The following PTPRB variants were observed in gnomAD, a reference collection of about 807,000 sequenced individuals.
PTPRB encodes the protein receptor-type tyrosine-protein phosphatase beta.
A neutral mutation model predicts 238.1 loss-of-function variants in PTPRB; 97 were observed. The ratio of observed to expected loss-of-function variants is 0.41; its 90% CI spans 0.35 to 0.48. PTPRB has a LOEUF of 0.48. Ranked by LOEUF, PTPRB falls within the 20% of genes least tolerant of loss-of-function variation. The pLI, the probability that PTPRB is intolerant of heterozygous loss-of-function variation, is 0.30. For synonymous variants in PTPRB, 970 were observed against 995.4 expected (o/e 0.97, Z 0.48); for missense variants, 2,292 against 2,681.9 (o/e 0.85, Z 3.21).
chr12:70,523,443 G>A (rs1592378678), intron 33 of PTPRB, among the ~76,000 whole-genome samples: 1 of 152,234 alleles, frequency 6.6e-6, no homozygotes, highest in African/African-American at 2.4e-5. Context: ...GAGAAATACA[G>A]GGTCACAAGA....
At chr12:70,600,375 TTCTC>T (rs1197880486) in intron 4 of PTPRB, among the ~76,000 whole-genome samples, 5 of 152,216 alleles carry the variant, frequency 3.3e-5, no homozygotes, top group African/African-American at 1.2e-4. Context: ...AAATCCTGTT[TTCTC>T]TCTATCACAC....
Position 70,569,958 on chromosome 12 carries a change from TA to T in PTPRB, c.3371-21del. The T allele has an allele frequency of 1.3e-6, 2 of 1,582,804 alleles. No individual in the cohort carries two copies. The highest frequency in any genetic ancestry group is 1.7e-6 in the Non-Finnish European group (2 of 1,154,434). ...TAGGAACTAAAACAGAAAATAAATTTAAAAGTCATCACTTAGAGAATGAACT... is the reference window on the plus strand; with the variant it reads ...TAGGAACTAAAACAGAAAATAAATTTAAAGTCATCACTTAGAGAATGAACT... On this transcript the variant is annotated intron_variant, in intron 13 of 33. Coordinates refer to ENST00000334414, the MANE Select transcript of PTPRB (RefSeq NM_001109754.4).
intron 3 of PTPRB, among the ~76,000 whole-genome samples, chr12:70,610,299 C>G (rs1334407092): frequency 6.6e-6 from 1 of 152,132 alleles, no homozygotes. Context: ...CCTCCTCCTC[C>G]CGTACTCTCC....
chr12:70,560,850 T>A lies in PTPRB; in HGVS notation c.4253A>T (p.Asp1418Val). 2 of 1,613,890 alleles carry A rather than the reference T, an allele frequency of 1.2e-6. No individual in the cohort carries two copies. Among genetic ancestry groups the A allele is most frequent in the Non-Finnish European group, 1.7e-6 (2 of 1,179,868 alleles). ...LWFNWSPASG[D>V]FDFYELILYN... is the part of the protein sequence containing the mutation. ...GAGAATCAGCTCATAAAAGTCAAAG[T>A]CCCCAGAGGCTGGACTCCAGTTGAA... Residue 1418 changes from aspartate (D) to valine (V), a missense_variant, in exon 17 of 34, where the codon GAC (aspartate) becomes GTC (valine). Physicochemically the swap from Asp to Val is radical, Grantham distance 152. Transcript: ENST00000334414. This position sits in a 1 kb window ranked among gnomAD's most constrained non-coding sequence, Gnocchi z 4.2.
At chr12:70,603,361 AT>A (rs1458375979) in intron 4 of PTPRB, among the ~76,000 whole-genome samples, 1 of 152,180 alleles carries the variant, frequency 6.6e-6, no homozygotes, top group Non-Finnish European at 1.5e-5. Flanking sequence ...CCATTATTCT[AT>A]TTTTGTGTAT....
intron 11 of PTPRB, among the ~76,000 whole-genome samples, chr12:70,575,336 G>C (rs1284653507): frequency 6.6e-6 from 1 of 152,090 alleles, no homozygotes; most frequent in African/African-American, 2.4e-5. Flanking sequence ...ATAAATCAGA[G>C]GTTCTTAGCT....
At chr12:70,536,787 C>T (rs937681942) in intron 28 of PTPRB, among the ~76,000 whole-genome samples, 4 of 152,204 alleles carry the variant, frequency 2.6e-5, no homozygotes, top group Non-Finnish European at 4.4e-5. Flanking sequence ...CCTCTGCCAT[C>T]GCCACCCCCG....
At position 70,599,022 on chromosome 12, in the gene PTPRB, A is replaced by G. The variant is rs1465008101; in HGVS notation, c.980-2695T>C. 2.0e-5 allele frequency among the ~76,000 whole-genome samples: 3 copies of G among 152,166 alleles called. No individual in the cohort carries two copies. The East Asian group carries it at 5.8e-4, about 29-fold the overall frequency. ...ACTGGAAACAAACACTTAAAACCCC[A>G]TTTATACTGTGATAAAGCCCTTTGC... On this transcript the variant is annotated intron_variant, in intron 4 of 33. Transcript: ENST00000334414.
chr12:70,573,342 G>A (rs1180306626), intron 11 of PTPRB, among the ~76,000 whole-genome samples: 1 of 152,122 alleles, frequency 6.6e-6, no homozygotes, highest in Non-Finnish European at 1.5e-5. Flanking sequence ...AATTCACGAG[G>A]TGGGGACCAC....
intron 9 of PTPRB, among the ~76,000 whole-genome samples, chr12:70,582,849 A>T (rs920777851): frequency 6.6e-6 from 1 of 151,954 alleles, no homozygotes; most frequent in Admixed American, 6.5e-5. Context: ...CCAAGGACAA[A>T]CAAACAATCC....
At chr12:70,573,752 G>T (rs185930146) in intron 11 of PTPRB, among the ~76,000 whole-genome samples, 1 of 151,452 alleles carries the variant, frequency 6.6e-6, no homozygotes, top group Non-Finnish European at 1.5e-5. Flanking sequence ...TGATTCTCCC[G>T]CCTCGGCCTC....
chr12:70,631,571 A>T (rs546058760), intron 2 of PTPRB, among the ~76,000 whole-genome samples: 321 of 152,162 alleles, frequency 2.1e-3, no homozygotes, highest in Non-Finnish European at 3.9e-3. Flanking sequence ...AAGCCAAAAT[A>T]GACAAATGGG....
intron 32 of PTPRB, among the ~76,000 whole-genome samples, chr12:70,529,181 A>C (rs1227101523): frequency 6.6e-6 from 1 of 152,140 alleles, no homozygotes; most frequent in East Asian, 1.9e-4. Context: ...CAGGAGGAAA[A>C]GGAGAACAGA....
chr12:70,596,274 T>C lies in PTPRB; in HGVS notation c.1033A>G (p.Ser345Gly), dbSNP rs2465811. 0.28 allele frequency: 456,428 copies of C among 1,610,220 alleles called. 66,100 individuals are homozygous for C. The highest frequency in any genetic ancestry group is 0.42 in the African/African-American group (31,066 of 74,314). Residue 345 changes from serine (S) to glycine (G), a missense_variant, in exon 5 of 34, where the codon AGC (serine) becomes GGC (glycine). Physicochemically the swap from Ser to Gly is moderately conservative, Grantham distance 56. Coordinates refer to ENST00000334414, the MANE Select transcript of PTPRB (RefSeq NM_001109754.4). ...GVSKEKTTSTSLHVWWTPSSG... is the reference protein window; with the variant it reads ...GVSKEKTTSTGLHVWWTPSSG... The stretch of plus-strand genomic sequence containing the variant: ...GAAGGAGTCCACCAAACATGCAAGC[T>C]GGTTGAAGTCGTCTTCTCTTTACTG...
At chr12:70,546,375 G>A (rs1169292293) in intron 21 of PTPRB, among the ~76,000 whole-genome samples, 1 of 152,124 alleles carries the variant, frequency 6.6e-6, no homozygotes, top group Non-Finnish European at 1.5e-5. Context: ...CAAACACACA[G>A]ATTTGTAACC....
intron 10 of PTPRB, among the ~76,000 whole-genome samples, chr12:70,579,137 G>C (rs1881098538): frequency 6.6e-6 from 1 of 152,076 alleles, no homozygotes; most frequent in South Asian, 2.1e-4. Context: ...CAAATCACTG[G>C]GAAATGAATG....
chr12:70,596,295 T>C lies in PTPRB; in HGVS notation c.1012A>G (p.Lys338Glu), dbSNP rs905445903. 2.5e-5 allele frequency: 40 copies of C among 1,602,462 alleles called. No homozygotes were observed. Among genetic ancestry groups the C allele is most frequent in the Non-Finnish European group, 3.3e-5 (39 of 1,174,260 alleles). ...AAGCTGGTTGAAGTCGTCTTCTCTT[T>C]ACTGACTCCAAACCTAGCAGGAGGT... ...PLPPARFGVSKEKTTSTSLHV... is the reference protein window; with the variant it reads ...PLPPARFGVSEEKTTSTSLHV... Residue 338 changes from lysine to glutamate, a missense_variant, in exon 5 of 34, where the codon AAA (lysine) becomes GAA (glutamate). By Grantham distance (56) the Lys-to-Glu change is moderately conservative. Transcript: ENST00000334414.
intron 2 of PTPRB, among the ~76,000 whole-genome samples, chr12:70,633,628 T>A (rs1379495826): frequency 1.3e-5 from 2 of 152,174 alleles, no homozygotes; most frequent in Non-Finnish European, 2.9e-5. Flanking sequence ...AACTTCTGCT[T>A]TTTCTAGAAA....
intron 3 of PTPRB, among the ~76,000 whole-genome samples, chr12:70,614,629 T>C (rs1399292365): frequency 2.6e-5 from 4 of 152,162 alleles, no homozygotes. Context: ...ACTTAACACA[T>C]GTTAGACATA....
Sources: allele counts gnomAD v4.1 joint callset (sites outside exome capture counted in the v4.1 genomes callset), GRCh38; gene constraint gnomAD v4.1.1; non-coding constraint Gnocchi (gnomAD v3.1); transcripts MANE v1.5; gene names NCBI Gene and HGNC (gene_info 2026-07-23, HGNC 2026-07-21).